The following SEC63 variants were observed in gnomAD, a reference collection of about 807,000 sequenced individuals.
SEC63 encodes translocation protein SEC63 homolog.
In SEC63, 56 loss-of-function variants were observed where a neutral mutation model predicts 116.2. The observed-to-expected ratio is 0.48, with a 90% CI of 0.39 to 0.60. The LOEUF (loss-of-function observed/expected upper bound fraction) is 0.60. SEC63 is among the 20% of genes least tolerant of loss of function. SEC63 has a pLI of 0.00. For missense variants in SEC63, 668 were observed against 900.0 expected, an observed-to-expected ratio of 0.74 and a Z score of 3.30; for synonymous variants, 273 against 294.6, an observed-to-expected ratio of 0.93 and a Z score of 0.75.
intron 1 of SEC63, among the ~76,000 whole-genome samples, chr6:107,939,049 G>T (rs1378878790): frequency 1.3e-5 from 2 of 152,162 alleles, no homozygotes; most frequent in Non-Finnish European, 2.9e-5. Flanking sequence ...TTAGGAGGCT[G>T]AGGCAGGAGG....
chr6:107,891,935 G>A (rs747516108), intron 16 of SEC63, among the ~76,000 whole-genome samples: 11 of 152,192 alleles, frequency 7.2e-5, no homozygotes, highest in African/African-American at 1.4e-4. Context: ...TGGAAGCTTC[G>A]TCCCAGAGGG....
intron 18 of SEC63, chr6:107,880,820 C>T (rs1052953651): frequency 6.5e-5 from 14 of 215,752 alleles, no homozygotes; most frequent in African/African-American, 2.8e-4. Flanking sequence ...TATTCAAAGG[C>T]AAAATATGCA....
At chr6:107,876,048 A>G (rs1397708330) in intron 19 of SEC63, among the ~76,000 whole-genome samples, 3 of 152,042 alleles carry the variant, frequency 2.0e-5, no homozygotes, top group African/African-American at 7.2e-5. Flanking sequence ...TTCTTCCTAG[A>G]AAAAAAACAC....
In SEC63 at chr6:107,893,617, C is replaced by G; in HGVS notation, c.1539G>C (p.Trp513Cys). 4 of 1,613,252 alleles carry G rather than the reference C, an allele frequency of 2.5e-6. No homozygotes were observed. Among genetic ancestry groups the G allele is most frequent in the Non-Finnish European group, 3.4e-6 (4 of 1,179,868 alleles). ...ETNKNRTKGG[W>C]QQKSKGPKKT... ...TCTTGGGTCCTTTACTCTTCTGTTG[C>G]CATCCTCCTTTTGTCCTGTTCTTGT... The change falls in exon 16 of 21, where the codon TGG (tryptophan) becomes TGC (cysteine). Residue 513 changes from tryptophan to cysteine, a missense_variant. By Grantham distance (215) the Trp-to-Cys change is radical. Around this residue, in one of 5 missense-constraint regions of SEC63, gnomAD observed 430 missense variants for 557.5 expected, o/e 0.77. Transcript: ENST00000369002.
At chr6:107,885,772 T>G (rs1304079783) in intron 16 of SEC63, among the ~76,000 whole-genome samples, 1 of 152,118 alleles carries the variant, frequency 6.6e-6, no homozygotes, top group Non-Finnish European at 1.5e-5. Context: ...CTACAACAAT[T>G]AAAACTGTAT....
At chr6:107,928,002 G>C (rs752374448) in intron 2 of SEC63, among the ~76,000 whole-genome samples, 39 of 151,954 alleles carry the variant, frequency 2.6e-4, no homozygotes, top group Non-Finnish European at 4.0e-4. Context: ...CCGCAGATAT[G>C]GGGGGGAGGG....
rs1216220995 is a variant in SEC63 at position 107,944,919 on chromosome 6, G to GAATCTACACGAGAAAACTCCTACTGA, written c.124+12966_124+12967insTCAGTAGGAGTTTTCTCGTGTAGATT. Among the ~76,000 whole-genome samples the GAATCTACACGAGAAAACTCCTACTGA allele has an allele frequency of 5.3e-4, 4 of 7,592 alleles. 1 individual carries two copies. The highest frequency in any genetic ancestry group is 1.3e-3 in the Admixed American group (1 of 758). 5.0% of individuals were successfully genotyped at this position (7,592 alleles called of 152,430 possible). On this transcript the variant is annotated intron_variant, in intron 1 of 20. Coordinates refer to ENST00000369002, the MANE Select transcript of SEC63 (RefSeq NM_007214.5). ...CTACTAAAACTAAACAAAAATCTAG[G>GAATCTACACGAGAAAACTCCTACTGA]CCGGGCGCGGTGGCTCACGCCTGTA...
chr6:107,906,779 TAACAA>T lies in SEC63; in HGVS notation c.734-7_734-3del, dbSNP rs776643604. ...CTCCAGCCAAAACCATGATAAGACCTAACAAAACAAAAGAAATATGAAGGTAAATA... is the reference window on the plus strand; with the variant it reads ...CTCCAGCCAAAACCATGATAAGACCTAACAAAAGAAATATGAAGGTAAATA... On this transcript the variant is annotated splice_region_variant and splice_polypyrimidine_tract_variant and intron_variant, in intron 8 of 20. Coordinates refer to ENST00000369002, the MANE Select transcript of SEC63 (RefSeq NM_007214.5). 4.4e-6 allele frequency: 7 copies of T among 1,604,484 alleles called. No homozygotes were observed. The highest frequency in any genetic ancestry group is 1.7e-5 in the Admixed American group (1 of 59,968).
Position 107,893,653 on chromosome 6 carries a change from CT to C in SEC63, c.1502del (p.Gln501ArgfsTer32), listed in dbSNP as rs1786743725. The C allele has an allele frequency of 6.2e-7, 1 of 1,613,630 alleles. No individual in the cohort carries two copies. Among genetic ancestry groups the C allele is most frequent in the Admixed American group, 1.7e-5 (1 of 59,962 alleles). ...TTGTCCTGTTCTTGTTAGTTTCACCCTGCTGTGAATCATAACACGTCACACT... is the reference window on the plus strand; with the variant it reads ...TTGTCCTGTTCTTGTTAGTTTCACCCGCTGTGAATCATAACACGTCACACT... Reference protein sequence around the residue: ...AAEEQPAEDGQGETNKNRTKG... With the variant: ...AAEEQPAEDGXGETNKNRTKG... On this transcript the variant is annotated frameshift_variant and splice_region_variant, in exon 16 of 21. Transcript: ENST00000369002. LOFTEE classifies it high-confidence loss of function.
intron 1 of SEC63, among the ~76,000 whole-genome samples, chr6:107,946,647 C>A (rs1562340910): frequency 6.6e-6 from 1 of 152,188 alleles, no homozygotes; most frequent in African/African-American, 2.4e-5. Context: ...TGATACACCC[C>A]TCTGTCAGGA....
intron 1 of SEC63, among the ~76,000 whole-genome samples, chr6:107,948,710 C>G (rs1202633974): frequency 1.3e-5 from 2 of 152,166 alleles, no homozygotes; most frequent in Admixed American, 6.5e-5. Context: ...TGATGCCCCC[C>G]ACCATATCCC....
intron 13 of SEC63, among the ~76,000 whole-genome samples, chr6:107,898,888 G>C (rs901333975): frequency 2.0e-5 from 3 of 152,160 alleles, no homozygotes; most frequent in Non-Finnish European, 4.4e-5. Context: ...CAGTTGAAAA[G>C]AATGGCCTCC....
intron 18 of SEC63, 32 bp downstream of exon 18, chr6:107,881,115 GAA>G: frequency 7.1e-7 from 1 of 1,413,000 alleles, no homozygotes; most frequent in Non-Finnish European, 1.0e-6. Flanking sequence ...AAAGTGAATG[GAA>G]TAAGGAACAC....
chr6:107,934,373 C>T lies in SEC63; in HGVS notation c.125-4859G>A, dbSNP rs550348104. Among the ~76,000 whole-genome samples the T allele has an allele frequency of 6.6e-3, 994 of 150,034 alleles. 6 individuals are homozygous for T. The highest frequency in any genetic ancestry group is 0.013 in the African/African-American group (546 of 40,690). On this transcript the variant is annotated intron_variant, in intron 1 of 20. Coordinates refer to ENST00000369002, the MANE Select transcript of SEC63 (RefSeq NM_007214.5). ...GAAGTGAGGAGCGTCTCTGCCCGGC[C>T]GCCCATCGCCTGAGATGTGGGAAGC...
intron 1 of SEC63, among the ~76,000 whole-genome samples, chr6:107,945,604 G>A (rs1486156982): frequency 2.6e-5 from 4 of 151,602 alleles, no homozygotes; most frequent in Middle Eastern, 3.4e-3. Context: ...GAGCCCAGCC[G>A]AGAACATCTT....
chr6:107,941,272 C>A (rs1430894829), intron 1 of SEC63, among the ~76,000 whole-genome samples: 1 of 152,034 alleles, frequency 6.6e-6, no homozygotes, highest in East Asian at 1.9e-4. Context: ...GGCAACATAG[C>A]AAGACCTCAT....
At chr6:107,947,774 A>C (rs1183816138) in intron 1 of SEC63, among the ~76,000 whole-genome samples, 1 of 152,148 alleles carries the variant, frequency 6.6e-6, no homozygotes, top group African/African-American at 2.4e-5. Flanking sequence ...TTCTCTTTCT[A>C]ATCTGACCAC....
At chr6:107,924,684 G>C (rs1480868676) in intron 3 of SEC63, 134 bp downstream of exon 3, 21 of 638,514 alleles carry the variant, frequency 3.3e-5, no homozygotes, top group Non-Finnish European at 5.9e-5. Context: ...CAGAGGATTA[G>C]ACATCTTATT....
At chr6:107,924,975 G>A (rs1485174619) in intron 2 of SEC63, 43 bp from the exon 3 acceptor site, 4 of 1,093,324 alleles carry the variant, frequency 3.7e-6, no homozygotes, top group Non-Finnish European at 5.7e-6. Context: ...AAATACATCT[G>A]CATAGAGTCT....
Sources: gnomAD v4.1 joint callset for allele counts (sites outside exome capture counted in the v4.1 genomes callset) on GRCh38, gnomAD v4.1.1 for gene constraint, gnomAD v4.1.1 regional missense constraint, MANE v1.5 for transcripts, NCBI Gene and HGNC (gene_info 2026-07-23, HGNC 2026-07-21) for gene names.